TRIML2: variants seen among roughly 807,000 people sequenced by gnomAD.
The protein encoded by TRIML2 is probable E3 ubiquitin-protein ligase TRIML2.
TRIML2 carries 28 observed loss-of-function variants against 31.2 expected under a neutral mutation model. The ratio of observed to expected loss-of-function variants is 0.90; its 90% confidence interval spans 0.66 to 1.23. The LOEUF is 1.23. Ranked by LOEUF, TRIML2 falls within the 50% of genes most tolerant of loss-of-function variation. The probability of loss-of-function intolerance (pLI) is 0.00; values close to 1 mark genes in which losing one functional copy is unlikely to be tolerated. For missense variants in TRIML2, 536 were observed against 528.3 expected (o/e 1.01, Z -0.14); for synonymous variants, 187 against 197.5 (o/e 0.95, Z 0.45).
intron 5 of TRIML2, chr4:188,098,204 C>A (rs1276123901): frequency 6.6e-6 from 3 of 451,662 alleles, no homozygotes; most frequent in East Asian, 1.4e-4. Context: ...GCAATACTTA[C>A]CATAGACTGA....
At position 188,099,056 on chromosome 4, in the gene TRIML2, T is replaced by G. The variant is rs1175669375; in HGVS notation, c.600A>C (p.Glu200Asp). 6.2e-7 allele frequency: 1 copy of G among 1,614,192 alleles called. No individual in the cohort carries two copies. The highest frequency in any genetic ancestry group is 2.2e-5 in the East Asian group (1 of 44,880). Residue 200 changes from glutamate to aspartate, a missense_variant, in exon 5 of 8, where the codon GAA (glutamate) becomes GAC (aspartate). Glu to Asp is a conservative substitution (Grantham distance 45). Coordinates refer to ENST00000682553, the MANE Select transcript of TRIML2 (RefSeq NM_173553.4). ...LIVELEKKCG[E>D]GTLALLKNAK... ...TTACCTTGAGCAATGCCAAGGTGCCTTCCCCACACTTTTTCTCAAGCTCCA... is the reference window on the plus strand; with the variant it reads ...TTACCTTGAGCAATGCCAAGGTGCCGTCCCCACACTTTTTCTCAAGCTCCA...
At chr4:188,096,806 G>A (rs1054227813) in intron 7 of TRIML2, among the ~76,000 whole-genome samples, 1 of 151,684 alleles carries the variant, frequency 6.6e-6, no homozygotes, top group Admixed American at 6.6e-5. Flanking sequence ...ACAGGCACAC[G>A]CCACCACAAC....
At chr4:188,106,959 A>G in intron 1 of TRIML2, 1 of 187,526 alleles carries the variant, frequency 5.3e-6, no homozygotes. Context: ...CTATTAAAAA[A>G]GCCACTTAGC....
intron 4 of TRIML2, among the ~76,000 whole-genome samples, chr4:188,099,598 A>C (rs1296550098): frequency 6.6e-6 from 1 of 152,066 alleles, no homozygotes. Flanking sequence ...CAAAAAAAAA[A>C]AAACCCTGCT....
Position 188,091,396 on chromosome 4 carries a change from A to C in TRIML2, c.1291T>G (p.Cys431Gly), listed in dbSNP as rs771138620. The C allele has an allele frequency of 1.9e-6, 3 of 1,613,892 alleles. No homozygotes were observed. The highest frequency in any genetic ancestry group is 2.5e-6 in the Non-Finnish European group (3 of 1,179,812). Residue 431 changes from cysteine (C) to glycine (G), a missense_variant, in exon 8 of 8, where the codon TGT becomes GGT. Transcript: ENST00000682553. ...GATTAAGGGCTAACAGTAGCATCAC[A>C]AGAAGGACCATGTTGTAAGATGGTG... ...SLTILQHGPS[C>G]DATVSP
chr4:188,097,187 A>G, intron 6 of TRIML2, 26 bp from the exon 7 acceptor site: 1 of 1,608,320 alleles, frequency 6.2e-7, no homozygotes, highest in Non-Finnish European at 8.5e-7. Flanking sequence ...AGCCTCAGTC[A>G]TCTGCACAGA....
At chr4:188,103,084 C>A (rs934609926) in intron 3 of TRIML2, among the ~76,000 whole-genome samples, 1 of 143,536 alleles carries the variant, frequency 7.0e-6, no homozygotes, top group Non-Finnish European at 1.5e-5. Context: ...GCCATCTCGG[C>A]TCACTGCAAG....
At chr4:188,107,747 C>G (rs1244488065) in intron 1 of TRIML2, among the ~76,000 whole-genome samples, 1 of 152,150 alleles carries the variant, frequency 6.6e-6, no homozygotes, top group Admixed American at 6.5e-5. Context: ...AGTCTATGTT[C>G]AAGCCTCTCT....
chr4:188,093,679 G>C lies in TRIML2; in HGVS notation c.746-1738C>G, dbSNP rs539491452. ...TCATCTCAAAAACAAAAACAAAAAAGGTTGAAGAAACAACAGGAGTATCTC... is the reference window on the plus strand; with the variant it reads ...TCATCTCAAAAACAAAAACAAAAAACGTTGAAGAAACAACAGGAGTATCTC... On this transcript the variant is annotated intron_variant, in intron 7 of 7. Coordinates refer to ENST00000682553, the MANE Select transcript of TRIML2 (RefSeq NM_173553.4). Among the ~76,000 whole-genome samples, 10 of 146,262 alleles carry C rather than the reference G, an allele frequency of 6.8e-5. No homozygotes were observed. The South Asian group carries it at 2.2e-3, about 32-fold the overall frequency.
intron 3 of TRIML2, among the ~76,000 whole-genome samples, chr4:188,102,825 G>A (rs1733856497): frequency 6.7e-6 from 1 of 149,278 alleles, no homozygotes; most frequent in South Asian, 2.1e-4. Context: ...CTCTAGCCTG[G>A]GTAACAAGAA....
chr4:188,101,089 G>A lies in TRIML2; in HGVS notation c.447C>T (p.Thr149=), dbSNP rs1163922991. The change falls in exon 4 of 8, where the codon ACC becomes ACT. Residue 149 remains threonine, a synonymous_variant. Coordinates refer to ENST00000682553, the MANE Select transcript of TRIML2 (RefSeq NM_173553.4). The part of the protein sequence containing the change: ...TLLNQAIKLA[T]ELEEMFQEML... ...TTTCCTGGAACATCTCCTCTAGCTC[G>A]GTGGCAAGCTTGATCGCTTGATTCA... The A allele has an allele frequency of 9.9e-6, 16 of 1,613,092 alleles. No homozygotes were observed. The highest frequency in any genetic ancestry group is 7.7e-5 in the South Asian group (7 of 90,940).
chr4:188,099,180 A>C lies in TRIML2; in HGVS notation c.481-5T>G. 7 of 1,593,280 alleles carry C rather than the reference A, an allele frequency of 4.4e-6. No individual in the cohort carries two copies. The highest frequency in any genetic ancestry group is 6.0e-6 in the Non-Finnish European group (7 of 1,171,594). On this transcript the variant is annotated splice_region_variant and splice_polypyrimidine_tract_variant and intron_variant, in intron 4 of 7. Transcript: ENST00000682553. ...TCTCCCCACACGGCCCAGTCTCTGC[A>C]GAAGCATTTCTTCGTTACTATTCAA...
At chr4:188,101,696 A>C (rs1051796335) in intron 3 of TRIML2, among the ~76,000 whole-genome samples, 60 of 151,942 alleles carry the variant, frequency 3.9e-4, no homozygotes, top group African/African-American at 1.2e-3. Context: ...CTGTCTCAAA[A>C]AAACAAACAA....
At chr4:188,101,286 C>T (rs1733776644) in intron 3 of TRIML2, 36 bp from the exon 4 acceptor site, 2 of 1,423,706 alleles carry the variant, frequency 1.4e-6, no homozygotes, top group Middle Eastern at 1.9e-4. Flanking sequence ...TCAGGTTAAA[C>T]ATGATAGATT....
chr4:188,102,235 T>C (rs1733829537), intron 3 of TRIML2, among the ~76,000 whole-genome samples: 1 of 150,402 alleles, frequency 6.6e-6, no homozygotes, highest in South Asian at 2.1e-4. Context: ...AAAGGGCCAA[T>C]GGGATTTGCT....
intron 7 of TRIML2, among the ~76,000 whole-genome samples, chr4:188,092,335 G>A (rs548479292): frequency 5.3e-5 from 8 of 152,106 alleles, no homozygotes; most frequent in South Asian, 2.1e-4. Flanking sequence ...GGTGGCAGGC[G>A]CCTGTAATCC....
chr4:188,103,316 A>G (rs1014880515), intron 3 of TRIML2, among the ~76,000 whole-genome samples: 3 of 152,084 alleles, frequency 2.0e-5, no homozygotes, highest in Admixed American at 6.6e-5. Context: ...TACTATCTTA[A>G]TGTCTATTTT....
Position 188,105,231 on chromosome 4 carries a change from C to T in TRIML2, c.138G>A (p.Glu46=), listed in dbSNP as rs1274610393. 2 of 1,611,334 alleles carry T rather than the reference C, an allele frequency of 1.2e-6. No homozygotes were observed. The highest frequency in any genetic ancestry group is 2.7e-5 in the African/African-American group (2 of 74,876). ...TCCCACACACCATGTGATGTTTGTGCTCCTGGGACTGGAAGCATTTGCTGC... is the reference window on the plus strand; with the variant it reads ...TCCCACACACCATGTGATGTTTGTGTTCCTGGGACTGGAAGCATTTGCTGC... The part of the protein sequence containing the change: ...TLCSKCFQSQ[E]HKHHMVCGIQ... Residue 46 remains glutamate, a synonymous_variant, in exon 2 of 8, where the codon GAG becomes GAA. Transcript: ENST00000682553.
chr4:188,101,471 G>A (rs192748612), intron 3 of TRIML2, among the ~76,000 whole-genome samples: 117 of 151,922 alleles, frequency 7.7e-4, no homozygotes, highest in African/African-American at 2.6e-3. Context: ...CAAAGTGGGT[G>A]GATCACGAGG....
Sources: gnomAD v4.1 joint callset for allele counts (sites outside exome capture counted in the v4.1 genomes callset) on GRCh38, gnomAD v4.1.1 for gene constraint, MANE v1.5 for transcripts, NCBI Gene and HGNC (gene_info 2026-07-23, HGNC 2026-07-21) for gene names.